The following SLC4A4 variants were observed in gnomAD, a reference collection of about 807,000 sequenced individuals.
SLC4A4 encodes solute carrier family 4 member 4.
In SLC4A4, 27 loss-of-function variants were observed where a neutral mutation model predicts 111.5. The observed-to-expected ratio is 0.24, with a 90% CI of 0.18 to 0.33. The LOEUF (loss-of-function observed/expected upper bound fraction) is 0.33, where lower values mean the gene tolerates loss of function less well. Ranked by LOEUF, SLC4A4 falls within the 10% of genes least tolerant of loss-of-function variation. The probability of loss-of-function intolerance (pLI) is 1.00; values close to 1 mark genes in which losing one functional copy is unlikely to be tolerated. For missense variants in SLC4A4, 909 were observed against 1,315.5 expected (o/e 0.69, Z 4.78); for synonymous variants, 443 against 463.4 (o/e 0.96, Z 0.57).
chr4:71,418,764 C>T (rs1722051177), intron 7 of SLC4A4, among the ~76,000 whole-genome samples: 1 of 152,166 alleles, frequency 6.6e-6, no homozygotes, highest in African/African-American at 2.4e-5. Flanking sequence ...AAATAATATC[C>T]TTATTTAACA....
At chr4:71,331,506 T>G (rs1291196073) in intron 3 of SLC4A4, among the ~76,000 whole-genome samples, 2 of 145,616 alleles carry the variant, frequency 1.4e-5, no homozygotes, top group African/African-American at 5.1e-5. Flanking sequence ...CCACATGTTC[T>G]CACTCACAGG....
chr4:71,554,916 G>A (rs1432169975), intron 20 of SLC4A4, among the ~76,000 whole-genome samples: 3 of 151,412 alleles, frequency 2.0e-5, no homozygotes, highest in Admixed American at 2.0e-4. Flanking sequence ...AAAAAAACAA[G>A]CATCCAATGA....
At chr4:71,276,396 A>G (rs2149086340) in intron 3 of SLC4A4, among the ~76,000 whole-genome samples, 1 of 152,336 alleles carries the variant, frequency 6.6e-6, no homozygotes, top group Non-Finnish European at 1.5e-5. Flanking sequence ...ATCAAGACAC[A>G]GAAGAGCTCC....
chr4:71,536,684 C>A (rs1006118909), intron 18 of SLC4A4, among the ~76,000 whole-genome samples: 1 of 149,402 alleles, frequency 6.7e-6, no homozygotes, highest in Non-Finnish European at 1.5e-5. Context: ...TTAGTAGAGA[C>A]GGGTTTTTGC....
At chr4:71,510,662 T>A (rs776207989) in intron 16 of SLC4A4, among the ~76,000 whole-genome samples, 10 of 152,204 alleles carry the variant, frequency 6.6e-5, no homozygotes, top group Non-Finnish European at 1.3e-4. Flanking sequence ...AAAAAAATAA[T>A]CCATTCAGCC....
intron 4 of SLC4A4, among the ~76,000 whole-genome samples, chr4:71,343,658 A>T (rs1452906272): frequency 6.6e-6 from 1 of 152,202 alleles, no homozygotes; most frequent in Non-Finnish European, 1.5e-5. Context: ...AGATTTCACT[A>T]CATCTCACAT....
intron 2 of SLC4A4, among the ~76,000 whole-genome samples, chr4:71,173,541 A>T (rs927308570): frequency 6.6e-6 from 1 of 151,904 alleles, no homozygotes; most frequent in Non-Finnish European, 1.5e-5. Context: ...CCACCACGCC[A>T]GGCTAATTTT....
At chr4:71,565,239 C>T (rs888848370) in intron 24 of SLC4A4, among the ~76,000 whole-genome samples, 14 of 151,954 alleles carry the variant, frequency 9.2e-5, no homozygotes, top group Admixed American at 4.6e-4. Flanking sequence ...CTGTCATAGC[C>T]GAAGTGTGAA....
At chr4:71,248,051 G>C (rs1720804982) in intron 2 of SLC4A4, among the ~76,000 whole-genome samples, 1 of 152,164 alleles carries the variant, frequency 6.6e-6, no homozygotes, top group Non-Finnish European at 1.5e-5. Context: ...TGAGGTTATG[G>C]AAGGTGCTGC....
chr4:71,456,152 T>G (rs1389953566), intron 12 of SLC4A4, among the ~76,000 whole-genome samples: 1 of 152,200 alleles, frequency 6.6e-6, no homozygotes, highest in Non-Finnish European at 1.5e-5. Flanking sequence ...TATTAATAGA[T>G]TTTTTAACCT....
intron 1 of SLC4A4, among the ~76,000 whole-genome samples, chr4:71,221,122 G>A (rs981385272): frequency 2.6e-5 from 4 of 152,084 alleles, no homozygotes; most frequent in Non-Finnish European, 5.9e-5. Context: ...TGTCATTAAC[G>A]GGCATTTAGG....
intron 2 of SLC4A4, among the ~76,000 whole-genome samples, chr4:71,122,696 T>C (rs1743465637): frequency 6.6e-6 from 1 of 152,218 alleles, no homozygotes; most frequent in East Asian, 1.9e-4. Context: ...TCTGAAGAAA[T>C]TGAACTGTCT....
intron 1 of SLC4A4, among the ~76,000 whole-genome samples, chr4:71,084,573 G>T (rs896113650): frequency 6.6e-6 from 1 of 151,764 alleles, no homozygotes; most frequent in African/African-American, 2.4e-5. Flanking sequence ...CTGCACAACA[G>T]GCCCCGGTGT....
At chr4:71,458,461 T>A (rs2149087479) in intron 12 of SLC4A4, among the ~76,000 whole-genome samples, 1 of 152,216 alleles carries the variant, frequency 6.6e-6, no homozygotes, top group Admixed American at 6.6e-5. Flanking sequence ...AAAGTAATTT[T>A]AATTTTTTTC....
At chr4:71,245,111 T>G (rs1720555169) in intron 2 of SLC4A4, among the ~76,000 whole-genome samples, 1 of 152,024 alleles carries the variant, frequency 6.6e-6, no homozygotes, top group South Asian at 2.1e-4. Context: ...TGTGTGAAGG[T>G]CCAGAGGTGA....
At chr4:71,070,650 T>A (rs1741638299) in intron 1 of SLC4A4, among the ~76,000 whole-genome samples, 2 of 152,210 alleles carry the variant, frequency 1.3e-5, no homozygotes, top group South Asian at 4.1e-4. Flanking sequence ...GGGCTAGAAA[T>A]CTGGTTTGTT....
chr4:71,466,823 T>C (rs984557492), intron 13 of SLC4A4, among the ~76,000 whole-genome samples: 31 of 152,102 alleles, frequency 2.0e-4, no homozygotes, highest in Non-Finnish European at 3.1e-4. Flanking sequence ...TTTCCCATTG[T>C]CCTGCCCTGT....
intron 16 of SLC4A4, among the ~76,000 whole-genome samples, chr4:71,519,076 C>T (rs1207856014): frequency 6.6e-6 from 1 of 152,122 alleles, no homozygotes; most frequent in Non-Finnish European, 1.5e-5. Context: ...TTCAATGTGT[C>T]TTTTCTTATT....
At chr4:71,237,332 C>T (rs896495188) in intron 2 of SLC4A4, among the ~76,000 whole-genome samples, 1 of 152,066 alleles carries the variant, frequency 6.6e-6, no homozygotes, top group African/African-American at 2.4e-5. Context: ...TGATAGAAGG[C>T]AAAGCTGAAT....
Sources: allele counts gnomAD v4.1 joint callset (sites outside exome capture counted in the v4.1 genomes callset), GRCh38; gene constraint gnomAD v4.1.1; transcripts MANE v1.5; gene names NCBI Gene and HGNC (gene_info 2026-07-23, HGNC 2026-07-21).